Variants in TDRD7 observed in about 807,000 individuals in gnomAD.
TDRD7 encodes the protein tudor domain-containing protein 7.
Under a neutral mutation model 109.8 loss-of-function variants are expected in TDRD7, and 47 were observed. The observed-to-expected ratio is 0.43, with a 90% confidence interval of 0.34 to 0.55. TDRD7 has a LOEUF of 0.55. TDRD7 is among the 20% of genes least tolerant of loss of function. The pLI, the probability that TDRD7 is intolerant of heterozygous loss-of-function variation, is 0.03. For synonymous variants in TDRD7, 424 were observed against 457.3 expected, an observed-to-expected ratio of 0.93 and a Z score of 0.93; for missense variants, 1,164 against 1,319.2, an observed-to-expected ratio of 0.88 and a Z score of 1.82.
intron 16 of TDRD7, among the ~76,000 whole-genome samples, chr9:97,494,218 A>G (rs1275591879): frequency 1.3e-5 from 2 of 152,236 alleles, no homozygotes; most frequent in African/African-American, 2.4e-5. Flanking sequence ...GAACTAATAA[A>G]TGTCCATGAA....
rs150323833 is a variant in TDRD7, at chr9:97,460,604, G to A, written c.1282G>A (p.Ala428Thr). Residue 428 changes from alanine (A) to threonine (T), a missense_variant, in exon 7 of 17, where the codon GCT (alanine) becomes ACT (threonine). Ala to Thr is a moderately conservative substitution (Grantham distance 58, BLOSUM62 0). Coordinates refer to ENST00000355295, the MANE Select transcript of TDRD7 (RefSeq NM_014290.3). ...GQAHGDNDIK[A>T]MVEQEYLQVE... is the part of the protein sequence containing the mutation. ...AGCACATGGTGATAATGATATCAAG[G>A]CTATGGTTGAACAAGAGTATTTGCA... The A allele has an allele frequency of 6.2e-7, 1 of 1,614,178 alleles. No homozygotes were observed. The highest frequency in any genetic ancestry group is 8.5e-7 in the Non-Finnish European group (1 of 1,180,026).
chr9:97,496,051 G>C lies in TDRD7; in HGVS notation c.*168G>C. ...ATATTTAACAAGTTTTGTTTTAACA[G>C]AGTTGACTTTTCAAAGAAAATTGTA... On this transcript the variant is annotated 3_prime_UTR_variant, in exon 17 of 17. Coordinates refer to ENST00000355295, the MANE Select transcript of TDRD7 (RefSeq NM_014290.3). The C allele has an allele frequency of 1.6e-6, 1 of 619,058 alleles. No individual in the cohort carries two copies. The highest frequency in any genetic ancestry group is 2.8e-6 in the Non-Finnish European group (1 of 353,164). 38.3% of individuals were successfully genotyped at this position (619,058 alleles called of 1,614,324 possible).
intron 6 of TDRD7, among the ~76,000 whole-genome samples, chr9:97,451,775 T>G (rs1828496985): frequency 6.6e-6 from 1 of 152,222 alleles, no homozygotes; most frequent in Admixed American, 6.5e-5. Flanking sequence ...GCCCTCAACC[T>G]GTGGGATCTG....
chr9:97,417,857 T>C (rs1183204003), intron 1 of TDRD7, among the ~76,000 whole-genome samples: 1 of 152,236 alleles, frequency 6.6e-6, no homozygotes, highest in Non-Finnish European at 1.5e-5. Flanking sequence ...CCAGGCACGG[T>C]GGCTCACACC....
chr9:97,492,557 G>A (rs1829325201), intron 16 of TDRD7, among the ~76,000 whole-genome samples: 1 of 152,174 alleles, frequency 6.6e-6, no homozygotes, highest in Non-Finnish European at 1.5e-5. Context: ...TCCTGTCTAT[G>A]TGACTGAACT....
chr9:97,447,143 A>G (rs1170664412), intron 6 of TDRD7, among the ~76,000 whole-genome samples: 3 of 152,242 alleles, frequency 2.0e-5, no homozygotes, highest in African/African-American at 7.2e-5. Context: ...CTGTTGTGAA[A>G]TCAGAATAGC....
At chr9:97,487,838 A>T (rs1486681614) in intron 16 of TDRD7, among the ~76,000 whole-genome samples, 1 of 152,208 alleles carries the variant, frequency 6.6e-6, no homozygotes. Flanking sequence ...CAGTAGGAGG[A>T]TCATACTTTA....
chr9:97,480,580 GGTGGGAAGTATATGGA>G, intron 13 of TDRD7: 1 of 476,180 alleles, frequency 2.1e-6, no homozygotes, highest in South Asian at 2.0e-5. Flanking sequence ...AGTATTGTAC[GGTGGGAAGTATATGGA>G]GTGCTGGGGG....
At chr9:97,418,824 TC>T (rs1827853515) in intron 1 of TDRD7, among the ~76,000 whole-genome samples, 1 of 152,192 alleles carries the variant, frequency 6.6e-6, no homozygotes, top group Non-Finnish European at 1.5e-5. Context: ...CGACATTTTT[TC>T]CCCATAAATT....
At position 97,460,647 on chromosome 9, in the gene TDRD7, C is replaced by T. The variant is rs778589649; in HGVS notation, c.1325C>T (p.Ala442Val). The T allele has an allele frequency of 2.1e-5, 34 of 1,614,170 alleles. No homozygotes were observed. Among genetic ancestry groups the T allele is most frequent in the Admixed American group, 3.3e-5 (2 of 60,024 alleles). The change falls in exon 7 of 17, where the codon GCT becomes GTT. Residue 442 changes from alanine to valine, a missense_variant. This residue lies in a region of TDRD7 where 407 missense variants were observed against 394.0 expected (regional missense o/e 1.03). Coordinates refer to ENST00000355295, the MANE Select transcript of TDRD7 (RefSeq NM_014290.3). ...QEYLQVEESI[A>V]ESANTFMEDI... ...TATTTGCAGGTAGAAGAAAGCATTG[C>T]TGAAAGTGCTAATACCTTTATGGAG...
At chr9:97,446,384 A>G (rs773022391) in intron 6 of TDRD7, among the ~76,000 whole-genome samples, 7 of 152,180 alleles carry the variant, frequency 4.6e-5, no homozygotes, top group Admixed American at 1.3e-4. Context: ...GAAACATTCT[A>G]TGTTGGGCTG....
At chr9:97,419,610 G>C (rs1013907626) in intron 1 of TDRD7, among the ~76,000 whole-genome samples, 5 of 152,176 alleles carry the variant, frequency 3.3e-5, no homozygotes, top group Non-Finnish European at 5.9e-5. Flanking sequence ...GAGGTGTGCA[G>C]ACTCTGCAGT....
intron 16 of TDRD7, among the ~76,000 whole-genome samples, chr9:97,490,558 G>GC (rs893225460): frequency 7.3e-6 from 1 of 137,232 alleles, no homozygotes; most frequent in Non-Finnish European, 1.6e-5. Context: ...GTGGGGGGGG[G>GC]GGCATTTATC....
chr9:97,413,796 C>CA (rs1827765010), intron 1 of TDRD7, among the ~76,000 whole-genome samples: 1 of 152,210 alleles, frequency 6.6e-6, no homozygotes, highest in Non-Finnish European at 1.5e-5. Context: ...CAGCAGTTGG[C>CA]AGTGCCTTCA....
At chr9:97,484,885 A>G (rs1829186368) in intron 15 of TDRD7, among the ~76,000 whole-genome samples, 1 of 152,208 alleles carries the variant, frequency 6.6e-6, no homozygotes, top group African/African-American at 2.4e-5. Flanking sequence ...GGGGTTGGGT[A>G]GGAAGGAGAA....
intron 2 of TDRD7, among the ~76,000 whole-genome samples, chr9:97,430,022 C>T (rs112699282): frequency 1.3e-5 from 2 of 152,172 alleles, no homozygotes; most frequent in East Asian, 1.9e-4. Context: ...AATATAGTCT[C>T]AGAAATAGAA....
At chr9:97,432,364 C>A in intron 4 of TDRD7, 126 bp downstream of exon 4, 2 of 824,634 alleles carry the variant, frequency 2.4e-6, no homozygotes, top group Non-Finnish European at 4.1e-6. Flanking sequence ...AGACATGCAT[C>A]ATTACCAGTT....
At chr9:97,480,337 A>G (rs534625167) in intron 13 of TDRD7, 25 of 197,224 alleles carry the variant, frequency 1.3e-4, no homozygotes, top group African/African-American at 5.1e-4. Context: ...GCCTTGTTCA[A>G]AAGGCAAACA....
At chr9:97,432,980 A>G (rs1347883660) in intron 4 of TDRD7, among the ~76,000 whole-genome samples, 1 of 152,176 alleles carries the variant, frequency 6.6e-6, no homozygotes, top group Non-Finnish European at 1.5e-5. Context: ...GAGTAGTTGT[A>G]CAGAGACTAG....
Sources: allele counts gnomAD v4.1 joint callset (sites outside exome capture counted in the v4.1 genomes callset), GRCh38; gene constraint gnomAD v4.1.1; regional missense constraint gnomAD v4.1.1; transcripts MANE v1.5; gene names NCBI Gene and HGNC (gene_info 2026-07-23, HGNC 2026-07-21).